Variants in RAB14 observed in about 807,000 individuals in gnomAD.
The protein encoded by RAB14 is ras-related protein Rab-14.
A neutral mutation model predicts 31.1 loss-of-function variants in RAB14; 3 were observed. That is an observed-to-expected ratio of 0.10 (90% confidence interval 0.04 to 0.25). The LOEUF (loss-of-function observed/expected upper bound fraction) is 0.25. Ranked by LOEUF, RAB14 falls within the 10% of genes least tolerant of loss-of-function variation. The pLI, the probability that RAB14 is intolerant of heterozygous loss-of-function variation, is 1.00. For synonymous variants in RAB14, 85 were observed against 84.9 expected, an observed-to-expected ratio of 1.00 and a Z score of 0.00; for missense variants, 111 against 260.1, an observed-to-expected ratio of 0.43 and a Z score of 3.94.
At chr9:121,181,911 C>G (rs557712160) in intron 7 of RAB14, among the ~76,000 whole-genome samples, 1 of 152,024 alleles carries the variant, frequency 6.6e-6, no homozygotes, top group African/African-American at 2.4e-5. Context: ...CCACGCCCAG[C>G]TAATTTTTGT....
chr9:121,189,172 TCA>T (rs983525967), intron 4 of RAB14, among the ~76,000 whole-genome samples: 12 of 152,224 alleles, frequency 7.9e-5, no homozygotes, highest in African/African-American at 2.9e-4. Context: ...TATGGATATA[TCA>T]CAGTGTTTAT....
At chr9:121,201,057 G>A (rs996395768) in intron 1 of RAB14, among the ~76,000 whole-genome samples, 8 of 152,254 alleles carry the variant, frequency 5.3e-5, no homozygotes, top group Middle Eastern at 3.4e-3. Context: ...CACAGACCCA[G>A]ACCCCGGCCC....
Position 121,178,204 on chromosome 9 carries a change from A to G in RAB14, c.*3192T>C, listed in dbSNP as rs542977058. The G allele has an allele frequency of 6.6e-6, 1 of 152,304 alleles. No individual in the cohort carries two copies. The highest frequency in any genetic ancestry group is 1.5e-5 in the Non-Finnish European group (1 of 68,028). The allele number at this position is 152,304 out of a possible 1,614,324, so 9.4% of individuals were successfully genotyped here. On this transcript the variant is annotated 3_prime_UTR_variant, in exon 8 of 8. Coordinates refer to ENST00000373840, the MANE Select transcript of RAB14 (RefSeq NM_016322.4). ...CGTGAACCGTTAAGATACGGGATCA[A>G]TGGAGTTACAATAAAGACAATGAAA...
intron 1 of RAB14, among the ~76,000 whole-genome samples, 163 bp from the exon 2 acceptor site, chr9:121,193,582 C>G (rs1031787568): frequency 6.6e-6 from 1 of 152,106 alleles, no homozygotes; most frequent in Non-Finnish European, 1.5e-5. Context: ...ATCAAATACA[C>G]AAATTCTCTT....
chr9:121,186,234 C>T (rs1344926708), intron 5 of RAB14, among the ~76,000 whole-genome samples: 2 of 152,148 alleles, frequency 1.3e-5, no homozygotes, highest in Admixed American at 1.3e-4. Flanking sequence ...GCTGCTTTCT[C>T]TCCAGACGGC....
intron 5 of RAB14, among the ~76,000 whole-genome samples, chr9:121,186,534 T>G (rs2053660068): frequency 6.6e-6 from 1 of 152,170 alleles, no homozygotes; most frequent in South Asian, 2.1e-4. Context: ...TTAATTCTCC[T>G]CCTGTAGTTG....
At chr9:121,183,254 C>T in intron 6 of RAB14, 57 bp downstream of exon 6, 1 of 1,403,500 alleles carries the variant, frequency 7.1e-7, no homozygotes, top group Middle Eastern at 1.8e-4. Flanking sequence ...AACTGTCAAG[C>T]CCACCTTTCC....
chr9:121,200,518 T>C (rs1056502788), intron 1 of RAB14, among the ~76,000 whole-genome samples: 5 of 152,232 alleles, frequency 3.3e-5, no homozygotes, highest in Admixed American at 6.5e-5. Context: ...ACTGAAATCC[T>C]GGCATCTCTC....
intron 5 of RAB14, among the ~76,000 whole-genome samples, chr9:121,185,690 G>A (rs1223246685): frequency 6.6e-6 from 1 of 152,088 alleles, no homozygotes; most frequent in Non-Finnish European, 1.5e-5. Flanking sequence ...TTTTTACTGG[G>A]TATGATGCCC....
At chr9:121,200,528 C>T (rs1336945843) in intron 1 of RAB14, among the ~76,000 whole-genome samples, 1 of 152,150 alleles carries the variant, frequency 6.6e-6, no homozygotes, top group Non-Finnish European at 1.5e-5. Context: ...TGGCATCTCT[C>T]CTTTGGGGTT....
rs1216113929 is a variant in RAB14 at position 121,179,743 on chromosome 9, G to A, written c.*1653C>T. On this transcript the variant is annotated 3_prime_UTR_variant, in exon 8 of 8. Coordinates refer to ENST00000373840, the MANE Select transcript of RAB14 (RefSeq NM_016322.4). ...CCAGTTTTGGCTTTTATTTAACATT[G>A]ACTATACAATACTCTGGTACTACCA... 1 of 152,572 alleles carries A rather than the reference G, an allele frequency of 6.6e-6. No individual in the cohort carries two copies. Among genetic ancestry groups the A allele is most frequent in the Non-Finnish European group, 1.5e-5 (1 of 68,028 alleles). 9.5% of individuals were successfully genotyped at this position (152,572 alleles called of 1,614,324 possible). A position where few individuals can be genotyped will look rare whatever the true frequency, so the allele number is the denominator to read the frequency against.
chr9:121,191,765 C>T (rs2053688080), intron 3 of RAB14, among the ~76,000 whole-genome samples: 1 of 152,062 alleles, frequency 6.6e-6, no homozygotes, highest in African/African-American at 2.4e-5. Context: ...CACATTGGTC[C>T]CTTCTATCAC....
chr9:121,196,818 T>C (rs1416307813), intron 1 of RAB14, among the ~76,000 whole-genome samples: 5 of 152,234 alleles, frequency 3.3e-5, no homozygotes, highest in African/African-American at 7.2e-5. Flanking sequence ...CTTATAATAC[T>C]ATAATTCATT....
At chr9:121,186,841 A>G (rs2053662127) in intron 5 of RAB14, 112 bp downstream of exon 5, 2 of 573,762 alleles carry the variant, frequency 3.5e-6, no homozygotes, top group Admixed American at 3.5e-5. Flanking sequence ...ATACAATAAA[A>G]ATTCTCTCAT....
At chr9:121,196,035 T>TTAAG (rs2053713631) in intron 1 of RAB14, among the ~76,000 whole-genome samples, 1 of 152,060 alleles carries the variant, frequency 6.6e-6, no homozygotes, top group African/African-American at 2.4e-5. Flanking sequence ...TTACCTAACT[T>TTAAG]TGGAAGGGAA....
intron 4 of RAB14, 29 bp downstream of exon 4, chr9:121,190,525 C>A: frequency 6.5e-7 from 1 of 1,530,044 alleles, no homozygotes; most frequent in Non-Finnish European, 8.8e-7. Flanking sequence ...TTATTTTCCC[C>A]ATATGAAGGT....
At chr9:121,190,146 G>A (rs1212244788) in intron 4 of RAB14, among the ~76,000 whole-genome samples, 2 of 152,082 alleles carry the variant, frequency 1.3e-5, no homozygotes, top group Admixed American at 6.6e-5. Flanking sequence ...TGCTGGACTA[G>A]CAAAACTCTT....
intron 3 of RAB14, 23 bp from the exon 4 acceptor site, chr9:121,190,754 A>C: frequency 6.2e-7 from 1 of 1,608,344 alleles, no homozygotes; most frequent in Non-Finnish European, 8.5e-7. Context: ...AAAAAAAGTA[A>C]TAGCCCAATT....
Position 121,183,386 on chromosome 9 carries a change from T to G in RAB14, c.364A>C (p.Ile122Leu), listed in dbSNP as rs967456339. 5 of 1,601,884 alleles carry G rather than the reference T, an allele frequency of 3.1e-6. No individual in the cohort carries two copies. The highest frequency in any genetic ancestry group is 4.3e-6 in the Non-Finnish European group (5 of 1,171,182). ...LTNPNTVIIL[I>L]GNKADLEAQR... is the part of the protein sequence containing the mutation. Reference sequence around the variant, plus strand: ...GCCTCCAAATCTGCTTTATTTCCTATGAGAATTATTACCTAATTTGTGATC... The same window carrying G: ...GCCTCCAAATCTGCTTTATTTCCTAGGAGAATTATTACCTAATTTGTGATC... The change falls in exon 6 of 8, where the codon ATA (isoleucine) becomes CTA (leucine). Residue 122 changes from isoleucine (I) to leucine (L), a missense_variant. Ile to Leu is a conservative substitution (Grantham distance 5). Transcript: ENST00000373840.
Sources: allele counts gnomAD v4.1 joint callset (sites outside exome capture counted in the v4.1 genomes callset), GRCh38; gene constraint gnomAD v4.1.1; transcripts MANE v1.5; gene names NCBI Gene and HGNC (gene_info 2026-07-23, HGNC 2026-07-21).